Variants in MEOX1 observed in about 807,000 individuals in gnomAD.
The protein encoded by MEOX1 is homeobox protein MOX-1.
MEOX1 carries 17 observed loss-of-function variants against 23.2 expected under a neutral mutation model. That is an observed-to-expected ratio of 0.73 (90% confidence interval 0.50 to 1.10). The LOEUF (loss-of-function observed/expected upper bound fraction) is 1.10. MEOX1 is among the 50% of genes least tolerant of loss of function. MEOX1 has a pLI of 0.00. For missense variants in MEOX1, 333 were observed against 332.2 expected (o/e 1.00, Z -0.02); for synonymous variants, 134 against 135.1 (o/e 0.99, Z 0.06).
chr17:43,646,116 G>C (rs1349127699), intron 1 of MEOX1, among the ~76,000 whole-genome samples: 1 of 152,160 alleles, frequency 6.6e-6, no homozygotes. Context: ...CGCGGGGCGC[G>C]CCCGGGGAGC....
chr17:43,657,059 C>CTCTCTCTCTTTCT (rs1567748417), intron 1 of MEOX1, among the ~76,000 whole-genome samples: 9 of 48,424 alleles, frequency 1.9e-4, no homozygotes, highest in African/African-American at 5.0e-4. Flanking sequence ...TCTTTCTTTC[C>CTCTCTCTCTTTCT]TTCCTTCCTT....
At position 43,648,795 on chromosome 17, in the gene MEOX1, C is replaced by G. The variant is rs546417151; in HGVS notation, c.470-5135G>C. Among the ~76,000 whole-genome samples the G allele has an allele frequency of 3.9e-5, 6 of 152,324 alleles. No individual in the cohort carries two copies. The South Asian group carries it at 1.2e-3, about 32-fold the overall frequency. ...TCCTCCCTTCAGTCAGATCTGAGGT[C>G]TTGCTGTGTGCTCTGTTCCAAAGCC... On this transcript the variant is annotated intron_variant, in intron 1 of 2. Transcript: ENST00000318579.
intron 1 of MEOX1, among the ~76,000 whole-genome samples, chr17:43,647,597 G>A (rs905601917): frequency 1.3e-5 from 2 of 152,128 alleles, no homozygotes; most frequent in Non-Finnish European, 2.9e-5. Flanking sequence ...CACCCTGTTT[G>A]CTACCCACAT....
intron 1 of MEOX1, among the ~76,000 whole-genome samples, chr17:43,654,318 G>T (rs1333506273): frequency 6.6e-6 from 1 of 152,048 alleles, no homozygotes; most frequent in Admixed American, 6.5e-5. Context: ...AGACCAGCCT[G>T]GCCAACATGG....
intron 2 of MEOX1, among the ~76,000 whole-genome samples, chr17:43,643,264 G>C (rs766772003): frequency 1.3e-5 from 2 of 152,164 alleles, no homozygotes; most frequent in African/African-American, 4.8e-5. Context: ...GTAAGATCGC[G>C]CCACTGCACT....
rs558993767 is a variant in MEOX1 at position 43,660,106 on chromosome 17, G to A, written c.469+960C>T. Among the ~76,000 whole-genome samples the A allele has an allele frequency of 3.9e-5, 6 of 152,228 alleles. No individual in the cohort carries two copies. The South Asian group carries it at 1.0e-3, about 26-fold the overall frequency. The stretch of plus-strand genomic sequence containing the variant: ...TGTCAGGAGGAAAACAGGGCAGCAC[G>A]GGCAGGAGGCTTGGTCACTGCTTTG... On this transcript the variant is annotated intron_variant, in intron 1 of 2. Transcript: ENST00000318579.
Position 43,641,887 on chromosome 17 carries a change from T to C in MEOX1, c.*23A>G, listed in dbSNP as rs1288772689. 6.2e-7 allele frequency: 1 copy of C among 1,605,302 alleles called. No homozygotes were observed. ...GTTGGGTAGGGGGCTCAGTCCTTAG[T>C]CATTTTTCCTCCATGCAGAATCTCA... On this transcript the variant is annotated 3_prime_UTR_variant, in exon 3 of 3. Coordinates refer to ENST00000318579, the MANE Select transcript of MEOX1 (RefSeq NM_004527.4).
chr17:43,648,974 C>G (rs902820111), intron 1 of MEOX1, among the ~76,000 whole-genome samples: 25 of 152,128 alleles, frequency 1.6e-4, no homozygotes, highest in African/African-American at 5.6e-4. Context: ...AGTGAGGCAC[C>G]GAGGAAGAGC....
Position 43,661,745 on chromosome 17 carries a change from T to C in MEOX1, c.-211A>G. On this transcript the variant is annotated 5_prime_UTR_variant, in exon 1 of 3. Coordinates refer to ENST00000318579, the MANE Select transcript of MEOX1 (RefSeq NM_004527.4). The stretch of plus-strand genomic sequence containing the variant: ...ACATGTGGCCAGCTACTCCTATGTG[T>C]GTGCACACACCTATGTCGGGCTTGC... 2.1e-6 allele frequency: 1 copy of C among 465,808 alleles called. No individual in the cohort carries two copies. 28.9% of individuals were successfully genotyped at this position (465,808 alleles called of 1,614,324 possible).
At position 43,641,547 on chromosome 17, in the gene MEOX1, G is replaced by A. The variant is rs1972694332; in HGVS notation, c.*363C>T. On this transcript the variant is annotated 3_prime_UTR_variant, in exon 3 of 3. Transcript: ENST00000318579. ...ACCAGGCCAGGTGGTGTCCAGACCA[G>A]GAGGAGGCCTGGCTGACCTAGGAGA... is the stretch of plus-strand genomic sequence containing the variant. 1.1e-5 allele frequency: 2 copies of A among 181,184 alleles called. No homozygotes were observed. The highest frequency in any genetic ancestry group is 2.3e-5 in the Non-Finnish European group (2 of 86,044). The allele number at this position is 181,184 out of a possible 1,614,324, so 11.2% of individuals were successfully genotyped here. A position where few individuals can be genotyped will look rare whatever the true frequency, so the allele number is the denominator to read the frequency against.
intron 1 of MEOX1, among the ~76,000 whole-genome samples, chr17:43,652,827 T>TAA (rs1468012324): frequency 3.0e-5 from 1 of 33,120 alleles, no homozygotes; most frequent in African/African-American, 7.9e-5. Flanking sequence ...TACTATTGCT[T>TAA]TTTTTTTTTT....
chr17:43,659,886 T>C (rs777847109), intron 1 of MEOX1, among the ~76,000 whole-genome samples: 1 of 152,192 alleles, frequency 6.6e-6, no homozygotes, highest in Non-Finnish European at 1.5e-5. Context: ...CTTTCTTGGG[T>C]GAGACCCCTT....
intron 1 of MEOX1, 50 bp downstream of exon 1, chr17:43,661,016 C>T (rs1352706653): frequency 3.9e-6 from 5 of 1,267,140 alleles, no homozygotes; most frequent in Non-Finnish European, 5.4e-6. Flanking sequence ...TGAGTAACTT[C>T]CCCAGGGTCA....
At chr17:43,642,335 C>A (rs1401095152) in intron 2 of MEOX1, among the ~76,000 whole-genome samples, 1 of 152,190 alleles carries the variant, frequency 6.6e-6, no homozygotes, top group Non-Finnish European at 1.5e-5. Context: ...CCCCCTGCCC[C>A]CTACCTCCAT....
At chr17:43,659,428 T>G (rs1973100257) in intron 1 of MEOX1, among the ~76,000 whole-genome samples, 1 of 152,104 alleles carries the variant, frequency 6.6e-6, no homozygotes, top group Non-Finnish European at 1.5e-5. Flanking sequence ...TATCTCCCAT[T>G]GAAGAAGGGG....
In MEOX1 at chr17:43,661,445, A is replaced by C. The variant is rs547913370; in HGVS notation, c.90T>G (p.Asn30Lys). 2.5e-6 allele frequency: 4 copies of C among 1,612,134 alleles called. No individual in the cohort carries two copies. In the East Asian group the frequency reaches 8.9e-5, roughly 36 times the overall value. Reference sequence around the variant, plus strand: ...GGTAGTGGGGTAGCCCTGAGGCCCCATTGCCTTCCGAGTGGGGGTTTCGAA... The same window carrying C: ...GGTAGTGGGGTAGCCCTGAGGCCCCCTTGCCTTCCGAGTGGGGGTTTCGAA... ...GCLRNPHSEG[N>K]GASGLPHYPP... is the part of the protein sequence containing the mutation. The change falls in exon 1 of 3, where the codon AAT becomes AAG. Residue 30 changes from asparagine (N) to lysine (K), a missense_variant. Physicochemically the swap from Asn to Lys is moderately conservative, Grantham distance 94 (BLOSUM62 0). Transcript: ENST00000318579.
intron 1 of MEOX1, among the ~76,000 whole-genome samples, chr17:43,648,251 T>C (rs1972847501): frequency 2.6e-5 from 4 of 151,770 alleles, no homozygotes; most frequent in Admixed American, 2.6e-4. Flanking sequence ...GGGCGGATCA[T>C]AAGGTCAGGA....
At chr17:43,658,004 A>C (rs962735570) in intron 1 of MEOX1, among the ~76,000 whole-genome samples, 3 of 152,228 alleles carry the variant, frequency 2.0e-5, no homozygotes, top group Non-Finnish European at 2.9e-5. Context: ...CCCATTTTAC[A>C]GCCAGGGAAA....
chr17:43,657,035 T>TTTCTTTCTTTCTTTC (rs1567748322), intron 1 of MEOX1, among the ~76,000 whole-genome samples: 1 of 132,738 alleles, frequency 7.5e-6, no homozygotes, highest in East Asian at 2.1e-4. Context: ...TCTTTCTTTC[T>TTTCTTTCTTTCTTTC]TTCTTTCTTT....
Sources: allele counts gnomAD v4.1 joint callset (sites outside exome capture counted in the v4.1 genomes callset), GRCh38; gene constraint gnomAD v4.1.1; transcripts MANE v1.5; gene names NCBI Gene and HGNC (gene_info 2026-07-23, HGNC 2026-07-21).